Variants in SNX10 observed in about 807,000 individuals in gnomAD.
The protein encoded by SNX10 is sorting nexin 10.
SNX10 carries 25 observed loss-of-function variants against 28.5 expected under a neutral mutation model. The observed-to-expected ratio is 0.88, with a 90% confidence interval of 0.64 to 1.22. SNX10 has a LOEUF of 1.22. Among genes scored for constraint, SNX10 ranks in the 50% most tolerant of loss-of-function variants. SNX10 has a pLI of 0.00. For missense variants in SNX10, 223 were observed against 242.6 expected, an observed-to-expected ratio of 0.92 and a Z score of 0.54; for synonymous variants, 62 against 81.4, an observed-to-expected ratio of 0.76 and a Z score of 1.28.
At chr7:26,341,738 G>A (rs1220383350) in intron 1 of SNX10, among the ~76,000 whole-genome samples, 1 of 152,094 alleles carries the variant, frequency 6.6e-6, no homozygotes, top group Admixed American at 6.6e-5. Context: ...ATCTGCTTCA[G>A]CCTCCCAAAG....
intron 3 of SNX10, among the ~76,000 whole-genome samples, chr7:26,363,394 G>T (rs532366074): frequency 6.4e-4 from 97 of 152,232 alleles, no homozygotes; most frequent in Non-Finnish European, 1.1e-3. Context: ...GAAAACAATC[G>T]CTGGGCATAT....
At chr7:26,341,979 T>TTTCTC (rs1788195657) in intron 1 of SNX10, among the ~76,000 whole-genome samples, 1 of 88,310 alleles carries the variant, frequency 1.1e-5, no homozygotes, top group South Asian at 4.4e-4. Context: ...GTTTCTCTTC[T>TTTCTC]TTCTCTCTCT....
At chr7:26,328,283 C>T (rs1270019123) in intron 1 of SNX10, among the ~76,000 whole-genome samples, 1 of 152,096 alleles carries the variant, frequency 6.6e-6, no homozygotes, top group African/African-American at 2.4e-5. Context: ...CTTGCTTGAG[C>T]CACCGTGTGG....
chr7:26,307,546 C>T (rs1313684743), intron 1 of SNX10, among the ~76,000 whole-genome samples: 2 of 152,192 alleles, frequency 1.3e-5, no homozygotes, highest in African/African-American at 4.8e-5. Context: ...CTCCCAGGCT[C>T]AAGCCATCCT....
At chr7:26,325,873 G>A (rs1562796967) in intron 1 of SNX10, among the ~76,000 whole-genome samples, 1 of 151,590 alleles carries the variant, frequency 6.6e-6, no homozygotes, top group Non-Finnish European at 1.5e-5. Flanking sequence ...TACTACAGGT[G>A]TTCACCACCA....
At chr7:26,353,100 C>T (rs1253530674) in intron 2 of SNX10, among the ~76,000 whole-genome samples, 1 of 152,036 alleles carries the variant, frequency 6.6e-6, no homozygotes, top group African/African-American at 2.4e-5. Flanking sequence ...TATTATAAGT[C>T]ATGTAAAAGG....
At chr7:26,335,030 A>G (rs949474294) in intron 1 of SNX10, among the ~76,000 whole-genome samples, 3 of 152,108 alleles carry the variant, frequency 2.0e-5, no homozygotes, top group Non-Finnish European at 4.4e-5. Flanking sequence ...TGATTGCCCA[A>G]ACTGGGGTCA....
chr7:26,344,429 A>G (rs187336735), intron 1 of SNX10, among the ~76,000 whole-genome samples: 2 of 147,614 alleles, frequency 1.4e-5, no homozygotes, highest in African/African-American at 2.6e-5. Flanking sequence ...TTGGCCTCCC[A>G]AAGTGCTAGG....
chr7:26,324,602 C>T (rs1333002765), intron 1 of SNX10, among the ~76,000 whole-genome samples: 4 of 152,098 alleles, frequency 2.6e-5, no homozygotes, highest in Non-Finnish European at 5.9e-5. Context: ...CTCAAGTGAT[C>T]CTCCTGTCTC....
chr7:26,302,520 C>G (rs1156539486), intron 1 of SNX10, among the ~76,000 whole-genome samples: 1 of 152,224 alleles, frequency 6.6e-6, no homozygotes, highest in East Asian at 1.9e-4. Context: ...TGTACAGCTT[C>G]TCTCTTAAGC....
chr7:26,329,410 A>G (rs1230103754), intron 1 of SNX10, among the ~76,000 whole-genome samples: 4 of 152,212 alleles, frequency 2.6e-5, no homozygotes, highest in African/African-American at 9.6e-5. Context: ...CTGACCACCC[A>G]CATATGAAGT....
At chr7:26,357,326 T>TAAA (rs1300293600) in intron 2 of SNX10, among the ~76,000 whole-genome samples, 1 of 55,474 alleles carries the variant, frequency 1.8e-5, no homozygotes, top group Non-Finnish European at 3.8e-5. Flanking sequence ...AAAGAGAAGA[T>TAAA]TAAAAAAAAA....
At chr7:26,318,535 A>C (rs753484593) in intron 1 of SNX10, among the ~76,000 whole-genome samples, 2 of 152,142 alleles carry the variant, frequency 1.3e-5, no homozygotes, top group African/African-American at 2.4e-5. Context: ...TGGCGAGATC[A>C]TGGCTCACTG....
intron 1 of SNX10, among the ~76,000 whole-genome samples, chr7:26,345,075 C>G (rs1355584583): frequency 1.3e-5 from 2 of 152,206 alleles, no homozygotes; most frequent in African/African-American, 4.8e-5. Flanking sequence ...CTTATATGGG[C>G]ACTTGCCATC....
At chr7:26,322,256 A>G (rs1467874769) in intron 1 of SNX10, among the ~76,000 whole-genome samples, 1 of 152,202 alleles carries the variant, frequency 6.6e-6, no homozygotes, top group Non-Finnish European at 1.5e-5. Flanking sequence ...ACTAAAATGT[A>G]AAAAAGAACA....
chr7:26,353,127 TCA>T (rs1157237351), intron 2 of SNX10, among the ~76,000 whole-genome samples: 3 of 152,200 alleles, frequency 2.0e-5, no homozygotes, highest in Non-Finnish European at 4.4e-5. Context: ...TAGCTAAATC[TCA>T]TTCACAGTTG....
In SNX10 at chr7:26,361,348, T is replaced by C. The variant is rs202079595; in HGVS notation, c.111+287T>C. Among the ~76,000 whole-genome samples, 6 of 152,254 alleles carry C rather than the reference T, an allele frequency of 3.9e-5. No homozygotes were observed. In the East Asian group the frequency reaches 1.2e-3, roughly 29 times the overall value. ...AAAATGCATGGGTAAAGAGTACTTA[T>C]AGCTCATTAATGGCATTTCTTATGA... On this transcript the variant is annotated intron_variant, in intron 3 of 6. Transcript: ENST00000338523.
intron 2 of SNX10, among the ~76,000 whole-genome samples, chr7:26,358,807 T>TTTTTTTTTTTTTTGTTTTTGG (rs1554360965): frequency 1.5e-5 from 2 of 137,904 alleles, no homozygotes; most frequent in Non-Finnish European, 3.1e-5. Flanking sequence ...TATCTTGTGT[T>TTTTTTTTTTTTTTGTTTTTGG]TTTTTTTTTT....
At position 26,318,620 on chromosome 7, in the gene SNX10, G is replaced by A. The variant is rs150214789; in HGVS notation, c.-24+26534G>A. The stretch of plus-strand genomic sequence containing the variant: ...GTAGCTGGGATTATAGGTGCCTGCC[G>A]AAAAAAATGCTTCGCTAATTTTTGT... On this transcript the variant is annotated intron_variant, in intron 1 of 6. Transcript: ENST00000338523. Among the ~76,000 whole-genome samples the A allele has an allele frequency of 2.4e-3, 363 of 152,000 alleles. 1 individual carries two copies. Among genetic ancestry groups the A allele is most frequent in the Non-Finnish European group, 3.7e-3 (249 of 67,956 alleles).
Sources: gnomAD v4.1 joint callset for allele counts (sites outside exome capture counted in the v4.1 genomes callset) on GRCh38, gnomAD v4.1.1 for gene constraint, MANE v1.5 for transcripts, NCBI Gene and HGNC (gene_info 2026-07-23, HGNC 2026-07-21) for gene names.